The following BAALC variants were observed in gnomAD, a reference collection of about 807,000 sequenced individuals.
BAALC encodes the protein brain and acute leukemia cytoplasmic protein.
Under a neutral mutation model 15.5 loss-of-function variants are expected in BAALC, and 9 were observed. The ratio of observed to expected loss-of-function variants is 0.58; its 90% CI spans 0.35 to 1.02. The LOEUF (loss-of-function observed/expected upper bound fraction) is 1.02, where lower values mean the gene tolerates loss of function less well. BAALC is among the 50% of genes least tolerant of loss of function. BAALC has a pLI of 0.02. For missense variants in BAALC, 201 were observed against 192.4 expected (o/e 1.04, Z -0.27); for synonymous variants, 80 against 74.6 (o/e 1.07, Z -0.37).
chr8:103,162,892 C>T (rs1349820853), intron 1 of BAALC, among the ~76,000 whole-genome samples: 1 of 152,144 alleles, frequency 6.6e-6, no homozygotes, highest in African/African-American at 2.4e-5. Context: ...ACCTTTTGAG[C>T]ATTAGCATAT....
At chr8:103,155,571 A>T (rs917006185) in intron 1 of BAALC, among the ~76,000 whole-genome samples, 5 of 152,190 alleles carry the variant, frequency 3.3e-5, no homozygotes, top group Non-Finnish European at 7.4e-5. Flanking sequence ...CTTCCACAGG[A>T]GCAGTGCCTG....
At chr8:103,180,627 GA>G (rs1362892207) in intron 1 of BAALC, among the ~76,000 whole-genome samples, 2 of 152,214 alleles carry the variant, frequency 1.3e-5, no homozygotes, top group African/African-American at 4.8e-5. Flanking sequence ...ACAGGGACCA[GA>G]AGGATGTAGG....
At chr8:103,213,191 C>T (rs1563655739) in intron 2 of BAALC, 106 bp downstream of exon 2, 2 of 1,245,730 alleles carry the variant, frequency 1.6e-6, no homozygotes, top group Middle Eastern at 2.2e-4. Context: ...CCAGGGATGG[C>T]TCATCTTGGA....
chr8:103,156,562 G>A (rs1357996720), intron 1 of BAALC, among the ~76,000 whole-genome samples: 2 of 152,176 alleles, frequency 1.3e-5, no homozygotes, highest in Non-Finnish European at 2.9e-5. Flanking sequence ...AGCTACCATG[G>A]CCTGAGTTGT....
intron 1 of BAALC, among the ~76,000 whole-genome samples, chr8:103,160,018 T>C (rs1336697473): frequency 6.6e-6 from 1 of 152,194 alleles, no homozygotes; most frequent in Non-Finnish European, 1.5e-5. Flanking sequence ...TAAAACTTTA[T>C]TCTTTTTTTT....
chr8:103,217,564 G>T (rs2130079008), intron 2 of BAALC, among the ~76,000 whole-genome samples: 1 of 151,930 alleles, frequency 6.6e-6, no homozygotes, highest in African/African-American at 2.4e-5. Flanking sequence ...GTCTTCCATT[G>T]CACCCCTATA....
intron 1 of BAALC, among the ~76,000 whole-genome samples, chr8:103,149,871 C>A (rs542367152): frequency 8.5e-5 from 13 of 152,266 alleles, no homozygotes; most frequent in African/African-American, 2.4e-4. Context: ...TTACCTCCCC[C>A]TCAAGCCCCC....
At chr8:103,144,379 T>C (rs1225675847) in intron 1 of BAALC, among the ~76,000 whole-genome samples, 1 of 152,246 alleles carries the variant, frequency 6.6e-6, no homozygotes, top group Non-Finnish European at 1.5e-5. Context: ...ATTTAAAAGC[T>C]AGCTGAAGCC....
At chr8:103,145,996 CAG>C (rs1188962854) in intron 1 of BAALC, among the ~76,000 whole-genome samples, 1 of 152,124 alleles carries the variant, frequency 6.6e-6, no homozygotes, top group Non-Finnish European at 1.5e-5. Context: ...TCTGTGTTGA[CAG>C]AATAAGATAA....
chr8:103,206,987 A>G (rs1249797046), intron 1 of BAALC, among the ~76,000 whole-genome samples: 2 of 152,190 alleles, frequency 1.3e-5, no homozygotes, highest in African/African-American at 4.8e-5. Flanking sequence ...ATATTAATAT[A>G]ATCGGCAAGG....
intron 1 of BAALC, among the ~76,000 whole-genome samples, chr8:103,147,599 T>A (rs1169962630): frequency 2.6e-5 from 4 of 152,126 alleles, no homozygotes; most frequent in Admixed American, 6.5e-5. Context: ...AGGTCCAACC[T>A]TCACCCTGGG....
In BAALC at chr8:103,140,966, A is replaced by T; in HGVS notation, c.69A>T (p.Thr23=). The T allele has an allele frequency of 6.5e-7, 1 of 1,541,976 alleles. No homozygotes were observed. Among genetic ancestry groups the T allele is most frequent in the East Asian group, 2.6e-5 (1 of 39,088 alleles). The part of the protein sequence containing the change: ...PRYYESWTRE[T]ESTWLTYTDS... ...ACTACGAGAGCTGGACCCGGGAGAC[A>T]GAATCCACCTGGCTCACCTACACCG... Residue 23 remains threonine, a synonymous_variant, in exon 1 of 3, where the codon ACA becomes ACT. Transcript: ENST00000309982. This position sits in a 1 kb window ranked among gnomAD's most constrained non-coding sequence, Gnocchi z 4.2.
intron 1 of BAALC, among the ~76,000 whole-genome samples, chr8:103,154,048 T>C (rs756608846): frequency 3.3e-5 from 5 of 152,216 alleles, no homozygotes; most frequent in Non-Finnish European, 5.9e-5. Context: ...CAAGAATCAC[T>C]TTTCAAGGGC....
At chr8:103,196,594 TA>T (rs1478590546) in intron 1 of BAALC, among the ~76,000 whole-genome samples, 3 of 152,300 alleles carry the variant, frequency 2.0e-5, no homozygotes, top group African/African-American at 7.2e-5. Context: ...TTTTTAGCTC[TA>T]AAAGAATGCA....
At chr8:103,183,180 GT>G (rs1348385759) in intron 1 of BAALC, among the ~76,000 whole-genome samples, 1 of 152,180 alleles carries the variant, frequency 6.6e-6, no homozygotes, top group East Asian at 1.9e-4. Context: ...TTCAGCCTTT[GT>G]CATAGGAAAT....
At chr8:103,196,639 C>T (rs919361274) in intron 1 of BAALC, among the ~76,000 whole-genome samples, 10 of 152,084 alleles carry the variant, frequency 6.6e-5, no homozygotes, top group East Asian at 3.9e-4. Context: ...GTCCACAGGC[C>T]GCCATCCCTT....
intron 2 of BAALC, among the ~76,000 whole-genome samples, chr8:103,223,123 C>G (rs376554139): frequency 6.6e-6 from 1 of 151,994 alleles, no homozygotes; most frequent in South Asian, 2.1e-4. Context: ...CCAGCCTGGC[C>G]AACATGATGA....
At chr8:103,200,731 A>T in intron 1 of BAALC, 1 of 700,958 alleles carries the variant, frequency 1.4e-6, no homozygotes, top group Non-Finnish European at 2.6e-6. Flanking sequence ...TCTCTGCTTC[A>T]AAGATGGCAC....
intron 2 of BAALC, among the ~76,000 whole-genome samples, chr8:103,216,036 T>C (rs932940538): frequency 2.0e-5 from 3 of 152,262 alleles, no homozygotes; most frequent in African/African-American, 7.2e-5. Context: ...TGTGAGCTTT[T>C]TCATGTCTGG....
Sources: allele counts gnomAD v4.1 joint callset (sites outside exome capture counted in the v4.1 genomes callset), GRCh38; gene constraint gnomAD v4.1.1; non-coding constraint Gnocchi (gnomAD v3.1); transcripts MANE v1.5; gene names NCBI Gene and HGNC (gene_info 2026-07-23, HGNC 2026-07-21).